Variants in ABCG8 observed in about 807,000 individuals in gnomAD.
ABCG8 encodes the protein ATP-binding cassette sub-family G member 8.
ABCG8 carries 81 observed loss-of-function variants against 71.3 expected under a neutral mutation model. That is an observed-to-expected ratio of 1.14 (90% CI 0.95 to 1.37). The LOEUF (loss-of-function observed/expected upper bound fraction) is 1.37. Ranked by LOEUF, ABCG8 falls within the 40% of genes most tolerant of loss-of-function variation. The pLI is 0.00. For synonymous variants in ABCG8, 451 were observed against 354.7 expected (o/e 1.27, Z -3.05); for missense variants, 1,119 against 866.2 (o/e 1.29, Z -3.66).
intron 6 of ABCG8, among the ~76,000 whole-genome samples, chr2:43,861,582 T>C (rs1402165806): frequency 6.6e-6 from 1 of 151,146 alleles, no homozygotes; most frequent in Non-Finnish European, 1.5e-5. Flanking sequence ...GGTAGAATTC[T>C]CACCATCTGG....
Position 43,877,707 on chromosome 2 carries a change from G to A in ABCG8, c.1884+19G>A. 4 of 1,614,006 alleles carry A rather than the reference G, an allele frequency of 2.5e-6. No homozygotes were observed. The highest frequency in any genetic ancestry group is 3.4e-6 in the Non-Finnish European group (4 of 1,179,994). ...AGATAAAGTAAGCGGGGAAGGCCTC[G>A]GGTTCTAAATTATTGGACGTCCGGC... On this transcript the variant is annotated intron_variant, in intron 12 of 12. Transcript: ENST00000272286.
At position 43,872,304 on chromosome 2, in the gene ABCG8, C is replaced by G. The variant is rs1386052283; in HGVS notation, c.1209C>G (p.Ile403Met). Residue 403 changes from isoleucine to methionine, a missense_variant and splice_region_variant, in exon 8 of 13, where the codon ATC becomes ATG. Physicochemically the swap from Ile to Met is conservative, Grantham distance 10. Coordinates refer to ENST00000272286, the MANE Select transcript of ABCG8 (RefSeq NM_022437.3). ...PGAVQQFTTL[I>M]RRQISNDFRD... Reference sequence around the variant, plus strand: ...CGGTGCAGCAGTTTACGACGCTGATCCGGTAATTATCTGTCATTTTATTAC... The same window carrying G: ...CGGTGCAGCAGTTTACGACGCTGATGCGGTAATTATCTGTCATTTTATTAC... The G allele has an allele frequency of 6.2e-7, 1 of 1,613,528 alleles. No individual in the cohort carries two copies. The highest frequency in any genetic ancestry group is 8.5e-7 in the Non-Finnish European group (1 of 1,179,868).
rs1393254279 is a variant in ABCG8, at chr2:43,880,844, G to A, written c.*2931G>A. The A allele has an allele frequency of 6.6e-6, 1 of 152,024 alleles. No homozygotes were observed. Among genetic ancestry groups the A allele is most frequent in the Non-Finnish European group, 1.5e-5 (1 of 67,984 alleles). The allele number at this position is 152,024 out of a possible 1,614,324, so 9.4% of individuals were successfully genotyped here. On this transcript the variant is annotated 3_prime_UTR_variant, in exon 13 of 13. Transcript: ENST00000272286. ...TTACTCATTTGATTAACCGCCTGCA[G>A]GTAAGTAATCTCCCATCTACACTGC...
In ABCG8 at chr2:43,872,080, G is replaced by C. The variant is rs1008068220; in HGVS notation, c.1069G>C (p.Asp357His). The C allele has an allele frequency of 6.2e-7, 1 of 1,614,140 alleles. No homozygotes were observed. The highest frequency in any genetic ancestry group is 8.5e-7 in the Non-Finnish European group (1 of 1,180,040). ...ALFLEKVRDL[D>H]DFLWKAETKD... ...GTTTCTAGAAAAAGTGCGTGACTTA[G>C]ATGACTTTCTATGGAAAGCAGAGAC... Residue 357 changes from aspartate (D) to histidine (H), a missense_variant, in exon 7 of 13, where the codon GAT becomes CAT. Physicochemically the swap from Asp to His is moderately conservative, Grantham distance 81. Transcript: ENST00000272286.
intron 11 of ABCG8, among the ~76,000 whole-genome samples, chr2:43,875,893 G>C (rs946237653): frequency 6.6e-6 from 1 of 151,988 alleles, no homozygotes; most frequent in Non-Finnish European, 1.5e-5. Flanking sequence ...CAATCCCTGC[G>C]GCCTCCCCAG....
At chr2:43,857,955 G>T (rs61492950) in intron 6 of ABCG8, among the ~76,000 whole-genome samples, 7,879 of 150,740 alleles carry the variant, frequency 0.052, 245 homozygotes, top group Middle Eastern at 0.12. Flanking sequence ...TGGGTAGATT[G>T]CTCACCATCT....
At chr2:43,868,259 C>G (rs540390666) in intron 6 of ABCG8, among the ~76,000 whole-genome samples, 1 of 152,144 alleles carries the variant, frequency 6.6e-6, no homozygotes, top group East Asian at 1.9e-4. Context: ...AGAATTCTCA[C>G]TCTCTGGATA....
chr2:43,863,614 C>G (rs1192418564), intron 6 of ABCG8, among the ~76,000 whole-genome samples: 1 of 151,270 alleles, frequency 6.6e-6, no homozygotes, highest in Non-Finnish European at 1.5e-5. Context: ...CACTATCTGT[C>G]AGGATAAAAT....
chr2:43,878,161 A>T lies in ABCG8; in HGVS notation c.*248A>T, dbSNP rs946851576. ...TGGGAGAAAACCTGCACTCGGTGGC[A>T]CCTACAACGTTGCTAATTTATTTCC... On this transcript the variant is annotated 3_prime_UTR_variant, in exon 13 of 13. Coordinates refer to ENST00000272286, the MANE Select transcript of ABCG8 (RefSeq NM_022437.3). 5 of 571,630 alleles carry T rather than the reference A, an allele frequency of 8.7e-6. No individual in the cohort carries two copies. Among genetic ancestry groups the T allele is most frequent in the Non-Finnish European group, 1.6e-5 (5 of 320,736 alleles). The allele number at this position is 571,630 out of a possible 1,614,324, so 35.4% of individuals were successfully genotyped here. A position where few individuals can be genotyped will look rare whatever the true frequency, so the allele number is the denominator to read the frequency against.
At chr2:43,869,586 G>C (rs1190903055) in intron 6 of ABCG8, among the ~76,000 whole-genome samples, 2 of 151,136 alleles carry the variant, frequency 1.3e-5, no homozygotes, top group Non-Finnish European at 3.0e-5. Flanking sequence ...TCAGTATCTG[G>C]ATAGAATTCT....
At chr2:43,843,190 C>T (rs1668635814) in intron 1 of ABCG8, among the ~76,000 whole-genome samples, 2 of 152,204 alleles carry the variant, frequency 1.3e-5, no homozygotes, top group Admixed American at 1.3e-4. Flanking sequence ...AAAATCTAAG[C>T]TTTTCAACGG....
At chr2:43,841,182 C>T (rs747534103) in intron 1 of ABCG8, among the ~76,000 whole-genome samples, 17 of 152,188 alleles carry the variant, frequency 1.1e-4, no homozygotes, top group Non-Finnish European at 2.4e-4. Flanking sequence ...CACATCACTC[C>T]CCCCGGGGCA....
chr2:43,868,347 T>C (rs72798818), intron 6 of ABCG8, among the ~76,000 whole-genome samples: 7,954 of 151,978 alleles, frequency 0.052, 249 homozygotes, highest in Middle Eastern at 0.11. Context: ...GAATTCTCAC[T>C]ATCTGGATAG....
chr2:43,882,589 T>C lies in ABCG8; in HGVS notation c.*4676T>C, dbSNP rs1374665296. 1 of 152,258 alleles carries C rather than the reference T, an allele frequency of 6.6e-6. No individual in the cohort carries two copies. The highest frequency in any genetic ancestry group is 1.5e-5 in the Non-Finnish European group (1 of 68,052). 9.4% of individuals were successfully genotyped at this position (152,258 alleles called of 1,614,324 possible). ...ATAGTCTGCACTAGATAATTCAGAT[T>C]TCAAGTCATCTGTCATTCGTACTTG... On this transcript the variant is annotated 3_prime_UTR_variant, in exon 13 of 13. Transcript: ENST00000272286.
At chr2:43,859,823 A>G (rs139011423) in intron 6 of ABCG8, among the ~76,000 whole-genome samples, 1 of 150,174 alleles carries the variant, frequency 6.7e-6, no homozygotes, top group African/African-American at 2.4e-5. Context: ...AATTCTCACC[A>G]TCTAGTTAGA....
In ABCG8 at chr2:43,877,858, T is replaced by G; in HGVS notation, c.1967T>G (p.Val656Gly). 6.2e-7 allele frequency: 1 copy of G among 1,614,104 alleles called. No individual in the cohort carries two copies. The highest frequency in any genetic ancestry group is 8.5e-7 in the Non-Finnish European group (1 of 1,180,014). ...IVIGLSGGFM[V>G]LYYVSLRFIK... is the part of the protein sequence containing the mutation. ...ATTGGCCTCAGCGGTGGCTTCATGGTCCTGTACTACGTGTCCTTAAGGTTC... is the reference window on the plus strand; with the variant it reads ...ATTGGCCTCAGCGGTGGCTTCATGGGCCTGTACTACGTGTCCTTAAGGTTC... The change falls in exon 13 of 13, where the codon GTC becomes GGC. Residue 656 changes from valine to glycine, a missense_variant. Val to Gly is a moderately radical substitution (Grantham distance 109). Transcript: ENST00000272286.
chr2:43,852,872 A>T lies in ABCG8; in HGVS notation c.964+4A>T, dbSNP rs1032522401. On this transcript the variant is annotated splice_donor_region_variant and intron_variant, in intron 6 of 12. Transcript: ENST00000272286. ...AGCAATCCTGCTGACTTCTATGGTG[A>T]GTCCCCAAGGCCAGCAGCCAGGGCC... 8.1e-6 allele frequency: 13 copies of T among 1,613,790 alleles called. No individual in the cohort carries two copies. Among genetic ancestry groups the T allele is most frequent in the African/African-American group, 1.3e-5 (1 of 74,892 alleles).
intron 3 of ABCG8, among the ~76,000 whole-genome samples, chr2:43,850,101 G>A (rs1668867732): frequency 6.6e-6 from 1 of 152,244 alleles, no homozygotes; most frequent in East Asian, 1.9e-4. Flanking sequence ...GCAGGTGCCT[G>A]TAATCCCAGC....
intron 6 of ABCG8, among the ~76,000 whole-genome samples, chr2:43,860,536 T>G (rs1669274184): frequency 2.0e-5 from 3 of 151,606 alleles, no homozygotes; most frequent in Middle Eastern, 6.8e-3. Context: ...GTTAGAATTC[T>G]CACTCTCTCG....
Sources: allele counts gnomAD v4.1 joint callset (sites outside exome capture counted in the v4.1 genomes callset), GRCh38; gene constraint gnomAD v4.1.1; transcripts MANE v1.5; gene names NCBI Gene and HGNC (gene_info 2026-07-23, HGNC 2026-07-21).